DAP3: variants seen among roughly 807,000 people sequenced by gnomAD.
The protein encoded by DAP3 is death associated protein 3.
DAP3 carries 28 observed loss-of-function variants against 51.9 expected under a neutral mutation model. The observed-to-expected ratio is 0.54, with a 90% CI of 0.40 to 0.74. DAP3 has a LOEUF of 0.74. Ranked by LOEUF, DAP3 falls within the 30% of genes least tolerant of loss-of-function variation. The probability of loss-of-function intolerance (pLI) is 0.00; values close to 1 mark genes in which losing one functional copy is unlikely to be tolerated. For missense variants in DAP3, 458 were observed against 483.5 expected (o/e 0.95, Z 0.49); for synonymous variants, 170 against 170.3 (o/e 1.00, Z 0.01).
At chr1:155,719,145 A>T (rs1370262200) in intron 3 of DAP3, among the ~76,000 whole-genome samples, 1 of 152,092 alleles carries the variant, frequency 6.6e-6, no homozygotes, top group Non-Finnish European at 1.5e-5. Context: ...TAATCCCAGG[A>T]CTTTGGGAGG....
rs764416375 is a variant in DAP3 at position 155,690,596 on chromosome 1, AT to A, written c.-8+1427del. On this transcript the variant is annotated intron_variant, in intron 1 of 12. Transcript: ENST00000368336. ...TGAGGAAATGCAAATAAAGTCTGCA[AT>A]TTTTAAATAGTATTGTACCAGCTTT... is the stretch of plus-strand genomic sequence containing the variant. 4.1e-4 allele frequency among the ~76,000 whole-genome samples: 58 copies of A among 142,306 alleles called. 1 individual carries two copies. Among genetic ancestry groups the A allele is most frequent in the Non-Finnish European group, 7.8e-4 (53 of 68,024 alleles). 93.4% of individuals were successfully genotyped at this position (142,306 alleles called of 152,430 possible). A position where few individuals can be genotyped will look rare whatever the true frequency, so the allele number is the denominator to read the frequency against.
chr1:155,688,827 T>A (rs546473729), upstream of DAP3: 5 of 1,574,838 alleles, frequency 3.2e-6, no homozygotes, highest in South Asian at 5.8e-5. Flanking sequence ...GTTCCATTCC[T>A]GGCGGCTGCA....
chr1:155,709,478 A>G (rs1020950356), intron 1 of DAP3, among the ~76,000 whole-genome samples: 1 of 152,024 alleles, frequency 6.6e-6, no homozygotes, highest in African/African-American at 2.4e-5. Flanking sequence ...TTATTTTCCC[A>G]GTATGATGAT....
chr1:155,717,264 C>T, intron 3 of DAP3, 136 bp downstream of exon 3: 1 of 1,354,576 alleles, frequency 7.4e-7, no homozygotes, highest in Non-Finnish European at 1.0e-6. Context: ...TGAGATAGCA[C>T]TCTGGAACCC....
chr1:155,705,098 C>T (rs1481837132), intron 1 of DAP3, among the ~76,000 whole-genome samples: 4 of 151,524 alleles, frequency 2.6e-5, no homozygotes, highest in South Asian at 2.1e-4. Context: ...TCAAGACCAT[C>T]GCTGGCAACA....
upstream of DAP3, chr1:155,688,324 G>C: frequency 6.5e-7 from 1 of 1,548,918 alleles, no homozygotes; most frequent in Non-Finnish European, 8.7e-7. Flanking sequence ...CAAAATGGCG[G>C]CGGCAGCGGC....
intron 1 of DAP3, among the ~76,000 whole-genome samples, chr1:155,690,386 T>C (rs1653598264): frequency 7.1e-6 from 1 of 140,764 alleles, no homozygotes; most frequent in Non-Finnish European, 1.5e-5. Context: ...ACCCCATCTC[T>C]ACAAAAAGAC....
At chr1:155,725,562 T>A in intron 5 of DAP3, 72 bp downstream of exon 5, 1 of 1,419,004 alleles carries the variant, frequency 7.0e-7, no homozygotes, top group Non-Finnish European at 9.9e-7. Flanking sequence ...ACAGAAGAAA[T>A]GAAAAAAAGT....
intron 4 of DAP3, among the ~76,000 whole-genome samples, chr1:155,724,573 C>T (rs1158238150): frequency 1.3e-5 from 2 of 148,904 alleles, no homozygotes; most frequent in African/African-American, 5.0e-5. Flanking sequence ...GCGGAGGTTG[C>T]AGTGAGCCGA....
In DAP3 at chr1:155,692,284, C is replaced by G. The variant is rs750066134; in HGVS notation, c.-8+3110C>G. Among the ~76,000 whole-genome samples the G allele has an allele frequency of 2.1e-5, 3 of 141,642 alleles. 1 individual carries two copies. The highest frequency in any genetic ancestry group is 6.4e-5 in the African/African-American group (2 of 31,140). 92.9% of individuals were successfully genotyped at this position (141,642 alleles called of 152,430 possible). Reference sequence around the variant, plus strand: ...TAATGGCGATAAGAAGGCTTTCCTCCTCAGAGTCCTCTTGTGGCTTTCCAC... The same window carrying G: ...TAATGGCGATAAGAAGGCTTTCCTCGTCAGAGTCCTCTTGTGGCTTTCCAC... On this transcript the variant is annotated intron_variant, in intron 1 of 12. Transcript: ENST00000368336.
At chr1:155,700,524 G>A (rs1018450823) in intron 1 of DAP3, among the ~76,000 whole-genome samples, 7 of 145,614 alleles carry the variant, frequency 4.8e-5, no homozygotes, top group African/African-American at 2.6e-5. Flanking sequence ...TGGGGGGGGC[G>A]GTCAGCCCCC....
chr1:155,733,577 G>A (rs1200312006), intron 11 of DAP3, among the ~76,000 whole-genome samples: 3 of 152,130 alleles, frequency 2.0e-5, no homozygotes, highest in Non-Finnish European at 4.4e-5. Context: ...GATGGCTCAC[G>A]TCTGTAATCC....
At chr1:155,695,287 G>T (rs1219981764) in intron 1 of DAP3, among the ~76,000 whole-genome samples, 1 of 152,208 alleles carries the variant, frequency 6.6e-6, no homozygotes, top group Non-Finnish European at 1.5e-5. Context: ...CAGGAATGTG[G>T]GTGACGTCCA....
At chr1:155,693,613 G>A (rs138691193) in intron 1 of DAP3, among the ~76,000 whole-genome samples, 2 of 142,120 alleles carry the variant, frequency 1.4e-5, no homozygotes, top group East Asian at 3.9e-4. Flanking sequence ...CCCCTTAGGG[G>A]ACCAATCAGT....
chr1:155,720,673 C>A (rs1197376543), intron 3 of DAP3, among the ~76,000 whole-genome samples: 1 of 151,010 alleles, frequency 6.6e-6, no homozygotes, highest in Non-Finnish European at 1.5e-5. Flanking sequence ...ACAAACAAAC[C>A]AAAAAAAACA....
upstream of DAP3, chr1:155,688,726 CGGCCA>C (rs1025935379): frequency 2.0e-5 from 31 of 1,517,016 alleles, no homozygotes; most frequent in African/African-American, 4.0e-4. Context: ...CCCGCCCGCA[CGGCCA>C]CCAACCGCCG....
chr1:155,688,342 G>C (rs887756422), upstream of DAP3: 7 of 1,549,472 alleles, frequency 4.5e-6, no homozygotes, highest in East Asian at 2.4e-5. Flanking sequence ...GGCGGCAGCA[G>C]AGTGGCCGCG....
In DAP3 at chr1:155,729,057, A is replaced by C. The variant is rs752381978; in HGVS notation, c.619A>C (p.Lys207Gln). Residue 207 changes from lysine (K) to glutamine (Q), a missense_variant, in exon 8 of 13, where the codon AAG becomes CAG. By Grantham distance (53) the Lys-to-Gln change is moderately conservative. Coordinates refer to ENST00000368336, the MANE Select transcript of DAP3 (RefSeq NM_004632.4). ...TTGCTTTTAGATAAAAGTTCAAGAG[A>C]AGTATGTCTGGAATAAGAGAGAAAG... ...RFLNQIKVQEKYVWNKRESTE... is the reference protein window; with the variant it reads ...RFLNQIKVQEQYVWNKRESTE... The C allele has an allele frequency of 8.1e-6, 13 of 1,613,506 alleles. No individual in the cohort carries two copies. Among genetic ancestry groups the C allele is most frequent in the African/African-American group, 1.3e-5 (1 of 74,788 alleles).
At position 155,729,278 on chromosome 1, in the gene DAP3, C is replaced by T; in HGVS notation, c.755C>T (p.Ser252Phe). 1 of 1,614,168 alleles carries T rather than the reference C, an allele frequency of 6.2e-7. No homozygotes were observed. Among genetic ancestry groups the T allele is most frequent in the Non-Finnish European group, 8.5e-7 (1 of 1,180,044 alleles). ...CTGAAAGAGCTAAAGAGGCAAAGTT[C>T]TTTGGGTATGTTTCACCTCCTAGTG... is the stretch of plus-strand genomic sequence containing the variant. ...IVLKELKRQS[S>F]LGMFHLLVAV... The change falls in exon 9 of 13, where the codon TCT becomes TTT. Residue 252 changes from serine to phenylalanine, a missense_variant. Physicochemically the swap from Ser to Phe is radical, Grantham distance 155. Coordinates refer to ENST00000368336, the MANE Select transcript of DAP3 (RefSeq NM_004632.4).
Sources: allele counts gnomAD v4.1 joint callset (sites outside exome capture counted in the v4.1 genomes callset), GRCh38; gene constraint gnomAD v4.1.1; transcripts MANE v1.5; gene names NCBI Gene and HGNC (gene_info 2026-07-23, HGNC 2026-07-21).